Variants in PDE4D observed in about 807,000 individuals in gnomAD.
PDE4D encodes 3',5'-cyclic-AMP phosphodiesterase 4D.
In PDE4D, 24 loss-of-function variants were observed where a neutral mutation model predicts 87.4. The observed-to-expected ratio is 0.27, with a 90% CI of 0.20 to 0.39. The LOEUF is 0.39. Ranked by LOEUF, PDE4D falls within the 10% of genes least tolerant of loss-of-function variation. The pLI is 1.00. For missense variants in PDE4D, 714 were observed against 1,041.0 expected (o/e 0.69, Z 4.32); for synonymous variants, 384 against 383.2 (o/e 1.00, Z -0.02).
intron 1 of PDE4D, among the ~76,000 whole-genome samples, chr5:59,344,328 C>G (rs923562938): frequency 6.6e-6 from 1 of 152,146 alleles, no homozygotes; most frequent in East Asian, 1.9e-4. Context: ...AAAAGCAGCC[C>G]ATGATCACTG....
At chr5:59,157,322 C>T (rs1215848293) in intron 5 of PDE4D, 2 of 702,474 alleles carry the variant, frequency 2.8e-6, no homozygotes, top group African/African-American at 3.5e-5. Context: ...ACGTGTTTCA[C>T]ATGTCAAGTA....
At chr5:60,177,493 T>C (rs1002837846) in intron 2 of PDE4D, among the ~76,000 whole-genome samples, 5 of 152,188 alleles carry the variant, frequency 3.3e-5, no homozygotes, top group African/African-American at 1.2e-4. Flanking sequence ...ATTCCATCAA[T>C]TCTTAGAGGC....
chr5:59,553,105 A>C (rs1818378055), intron 1 of PDE4D, among the ~76,000 whole-genome samples: 1 of 152,138 alleles, frequency 6.6e-6, no homozygotes, highest in Non-Finnish European at 1.5e-5. Flanking sequence ...AAGGTTATAT[A>C]CTTCACTTTG....
At chr5:59,507,124 G>T (rs1485657797) in intron 1 of PDE4D, among the ~76,000 whole-genome samples, 1 of 152,130 alleles carries the variant, frequency 6.6e-6, no homozygotes, top group Non-Finnish European at 1.5e-5. Flanking sequence ...TTGAGATGAG[G>T]AGTTCGTGAC....
intron 1 of PDE4D, among the ~76,000 whole-genome samples, chr5:60,329,776 A>G (rs1373221172): frequency 6.6e-6 from 1 of 152,160 alleles, no homozygotes; most frequent in Non-Finnish European, 1.5e-5. Flanking sequence ...CGGTGAAAAT[A>G]TATAGTTGTT....
intron 1 of PDE4D, among the ~76,000 whole-genome samples, chr5:60,400,280 T>C (rs1219134695): frequency 6.6e-6 from 1 of 152,138 alleles, no homozygotes; most frequent in Non-Finnish European, 1.5e-5. Flanking sequence ...CCCAGCACTT[T>C]GGGAGGCTGA....
In PDE4D at chr5:59,824,352, G is replaced by A. The variant is rs183492387; in HGVS notation, c.455+68816C>T. Among the ~76,000 whole-genome samples the A allele has an allele frequency of 7.2e-5, 11 of 152,252 alleles. 1 individual carries two copies. In the East Asian group the frequency reaches 1.2e-3, roughly 16 times the overall value. On this transcript the variant is annotated intron_variant, in intron 1 of 14. Coordinates refer to ENST00000340635, the MANE Select transcript of PDE4D (RefSeq NM_001104631.2). ...TTTCAAGTGCTCCATCACGACACAT[G>A]CTGGTGGTTACTGTACCACTGTACT...
chr5:59,558,237 A>G (rs966791060), intron 1 of PDE4D, among the ~76,000 whole-genome samples: 3 of 152,204 alleles, frequency 2.0e-5, no homozygotes, highest in African/African-American at 7.2e-5. Flanking sequence ...ATTAAACAAA[A>G]TAAATAGGTA....
Position 59,955,793 on chromosome 5 carries a change from G to A in PDE4D, c.272+32695C>T, listed in dbSNP as rs1457507763. On this transcript the variant is annotated intron_variant, in intron 3 of 16. Transcript: ENST00000502484. ...CAACCCTCCCTCCCTCCTGCCCTTC[G>A]GTCTTCTTTCAATCAGATCTCCCTT... 1.3e-5 allele frequency among the ~76,000 whole-genome samples: 2 copies of A among 151,970 alleles called. 1 individual carries two copies. Among genetic ancestry groups the A allele is most frequent in the African/African-American group, 4.8e-5 (2 of 41,358 alleles).
chr5:59,331,866 T>C (rs563881051), intron 1 of PDE4D, among the ~76,000 whole-genome samples: 1 of 152,354 alleles, frequency 6.6e-6, no homozygotes, highest in South Asian at 2.1e-4. Context: ...GAAATTATCC[T>C]TCAACATTCT....
chr5:60,096,016 C>T (rs956781436), intron 2 of PDE4D, among the ~76,000 whole-genome samples: 2 of 151,774 alleles, frequency 1.3e-5, no homozygotes, highest in Admixed American at 6.6e-5. Flanking sequence ...TGGATAGATT[C>T]CAAAAATTTT....
intron 1 of PDE4D, among the ~76,000 whole-genome samples, chr5:59,278,632 C>A (rs745612413): frequency 2.0e-5 from 3 of 151,864 alleles, no homozygotes; most frequent in Non-Finnish European, 4.4e-5. Flanking sequence ...TCCATCTATA[C>A]CATGATTTGA....
At chr5:60,177,270 G>A (rs1020821959) in intron 2 of PDE4D, among the ~76,000 whole-genome samples, 3 of 152,044 alleles carry the variant, frequency 2.0e-5, no homozygotes, top group Non-Finnish European at 2.9e-5. Context: ...GGGTCAAAAT[G>A]GTAGTTTTCA....
At chr5:59,044,833 TTTTTC>T (rs1223892758) in intron 5 of PDE4D, among the ~76,000 whole-genome samples, 3 of 152,234 alleles carry the variant, frequency 2.0e-5, no homozygotes, top group African/African-American at 7.2e-5. Flanking sequence ...GACGGTTTTC[TTTTTC>T]TTTTATCTTC....
chr5:59,005,619 A>G (rs1751451839), intron 6 of PDE4D, among the ~76,000 whole-genome samples: 1 of 152,200 alleles, frequency 6.6e-6, no homozygotes, highest in African/African-American at 2.4e-5. Flanking sequence ...GGCTTCACCA[A>G]ATTTAATGAA....
intron 1 of PDE4D, among the ~76,000 whole-genome samples, chr5:59,274,161 G>T (rs1025860476): frequency 3.9e-5 from 6 of 152,048 alleles, no homozygotes; most frequent in African/African-American, 1.4e-4. Flanking sequence ...CTCCAAATTT[G>T]TTTGCAGATG....
chr5:59,202,284 C>T lies in PDE4D; in HGVS notation c.648-8748G>A, dbSNP rs189567652. The stretch of plus-strand genomic sequence containing the variant: ...CTCGATCTCCTGACGTCGTGATCCA[C>T]CTGCCTCGGCCTCCCAAAGTGCTGG... On this transcript the variant is annotated intron_variant, in intron 2 of 14. Coordinates refer to ENST00000340635, the MANE Select transcript of PDE4D (RefSeq NM_001104631.2). Among the ~76,000 whole-genome samples the T allele has an allele frequency of 4.5e-3, 687 of 152,196 alleles. 10 individuals carry two copies. Among genetic ancestry groups the T allele is most frequent in the Non-Finnish European group, 7.0e-3 (477 of 68,002 alleles).
At chr5:59,370,982 A>G (rs1292009514) in intron 1 of PDE4D, among the ~76,000 whole-genome samples, 2 of 152,244 alleles carry the variant, frequency 1.3e-5, no homozygotes, top group African/African-American at 4.8e-5. Flanking sequence ...TACATGGCCC[A>G]GGATGGCTTT....
At chr5:59,871,281 C>A (rs556959634) in intron 1 of PDE4D, among the ~76,000 whole-genome samples, 1 of 152,254 alleles carries the variant, frequency 6.6e-6, no homozygotes, top group South Asian at 2.1e-4. Flanking sequence ...CTTGAAGAAA[C>A]AAGCTTCAAG....
Sources: gnomAD v4.1 joint callset for allele counts (sites outside exome capture counted in the v4.1 genomes callset) on GRCh38, gnomAD v4.1.1 for gene constraint, MANE v1.5 for transcripts, NCBI Gene and HGNC (gene_info 2026-07-23, HGNC 2026-07-21) for gene names.